NFIC: variants seen among roughly 807,000 people sequenced by gnomAD.
NFIC encodes the protein nuclear factor I C.
Under a neutral mutation model 54.4 loss-of-function variants are expected in NFIC, and 12 were observed. The observed-to-expected ratio is 0.22, with a 90% CI of 0.14 to 0.36. NFIC has a LOEUF of 0.36. NFIC is among the 10% of genes least tolerant of loss of function. The probability of loss-of-function intolerance (pLI) is 1.00; values close to 1 mark genes in which losing one functional copy is unlikely to be tolerated. For missense variants in NFIC, 575 were observed against 718.2 expected, an observed-to-expected ratio of 0.80 and a Z score of 2.28; for synonymous variants, 322 against 319.2, an observed-to-expected ratio of 1.01 and a Z score of -0.09.
chr19:3,442,244 A>C (rs1313469144), intron 6 of NFIC, among the ~76,000 whole-genome samples: 1 of 152,018 alleles, frequency 6.6e-6, no homozygotes, highest in African/African-American at 2.4e-5. Flanking sequence ...AGCAGCCCCC[A>C]CTGTGCTTTG....
intron 2 of NFIC, among the ~76,000 whole-genome samples, chr19:3,405,790 CAG>C (rs1159788627): frequency 1.3e-5 from 2 of 151,982 alleles, no homozygotes; most frequent in African/African-American, 4.8e-5. Flanking sequence ...TTAGTAGAGA[CAG>C]GGGTCTCACC....
intron 4 of NFIC, 131 bp from the exon 5 acceptor site, chr19:3,434,146 C>T (rs2145630088): frequency 7.2e-7 from 1 of 1,395,740 alleles, no homozygotes; most frequent in East Asian, 2.4e-5. Context: ...TTCAGCCACC[C>T]TAGGAACCGG....
At chr19:3,433,649 A>C in intron 4 of NFIC, 57 bp downstream of exon 4, 1 of 1,568,462 alleles carries the variant, frequency 6.4e-7, no homozygotes, top group Non-Finnish European at 8.7e-7. Flanking sequence ...GGCCGCAGGG[A>C]GGAAGGAGCC....
In NFIC at chr19:3,456,547, C is replaced by T. The variant is rs1274634943; in HGVS notation, c.1424-3C>T. On this transcript the variant is annotated splice_region_variant and splice_polypyrimidine_tract_variant and intron_variant, in intron 9 of 10. Coordinates refer to ENST00000443272, the MANE Select transcript of NFIC (RefSeq NM_001245002.2). The stretch of plus-strand genomic sequence containing the variant: ...GGGCTCTCGGTCTCTCTCCTCCCTG[C>T]AGCCTACTCTCCGCCCGACACGTCC... The T allele has an allele frequency of 6.4e-7, 1 of 1,551,752 alleles. No individual in the cohort carries two copies. Among genetic ancestry groups the T allele is most frequent in the Non-Finnish European group, 8.7e-7 (1 of 1,147,032 alleles).
chr19:3,428,546 T>C (rs2082064162), intron 3 of NFIC, among the ~76,000 whole-genome samples: 1 of 151,302 alleles, frequency 6.6e-6, no homozygotes, highest in Non-Finnish European at 1.5e-5. Context: ...ACAGGGAGGC[T>C]GGAAGGTTCT....
At chr19:3,366,564 TG>T (rs2080888619), upstream of NFIC, 14 of 461,636 alleles carry the variant, frequency 3.0e-5, no homozygotes, top group African/African-American at 4.7e-5. Flanking sequence ...GGCGGGGGGG[TG>T]GTTTGGAAAA....
At chr19:3,376,699 A>C (rs2081114345) in intron 1 of NFIC, among the ~76,000 whole-genome samples, 1 of 151,972 alleles carries the variant, frequency 6.6e-6, no homozygotes, top group Non-Finnish European at 1.5e-5. Context: ...GTGCCACTGC[A>C]CTCCAGTGAG....
intron 2 of NFIC, among the ~76,000 whole-genome samples, chr19:3,398,250 G>C (rs529322447): frequency 6.6e-6 from 1 of 152,138 alleles, no homozygotes; most frequent in African/African-American, 2.4e-5. Context: ...GGATTGAGTC[G>C]GTTCGTGGAA....
chr19:3,443,820 C>T (rs1035401265), intron 6 of NFIC, among the ~76,000 whole-genome samples: 1 of 152,174 alleles, frequency 6.6e-6, no homozygotes, highest in Non-Finnish European at 1.5e-5. Flanking sequence ...GATGGCCCCA[C>T]CCTAGAGAAT....
chr19:3,428,310 A>G (rs2082060599), intron 3 of NFIC, among the ~76,000 whole-genome samples: 2 of 151,730 alleles, frequency 1.3e-5, no homozygotes, highest in South Asian at 2.1e-4. Flanking sequence ...CCTGGCCAAC[A>G]TGGCGAAACC....
rs567931955 is a variant in NFIC, at chr19:3,359,785, G to A, written c.3+100G>A. On this transcript the variant is annotated intron_variant, in intron 1 of 9. Coordinates refer to the NFIC transcript ENST00000395111. ...CAAGATCTGGGGGGACAGGGGGCGG[G>A]GGCCGCCCGGAGGAGGGGCTCGAGG... 3.8e-3 allele frequency: 4,777 copies of A among 1,252,522 alleles called. 126 individuals are homozygous for A. In the African/African-American group the frequency reaches 0.058, roughly 15 times the overall value. The allele number at this position is 1,252,522 out of a possible 1,614,324, so 77.6% of individuals were successfully genotyped here.
chr19:3,381,983 C>T lies in NFIC; in HGVS notation c.302C>T (p.Ala101Val), dbSNP rs1175118397. The change falls in exon 2 of 11, where the codon GCG (alanine) becomes GTG (valine). Residue 101 changes from alanine to valine, a missense_variant. Physicochemically the swap from Ala to Val is moderately conservative, Grantham distance 64 (BLOSUM62 0). This residue lies in a region of NFIC where 122 missense variants were observed against 158.0 expected (regional missense o/e 0.77). Transcript: ENST00000443272. Reference protein sequence around the residue: ...DFVLSITGKKAPGCVLSNPDQ... With the variant: ...DFVLSITGKKVPGCVLSNPDQ... ...GTGCTGAGCATCACCGGCAAGAAGG[C>T]GCCGGGCTGCGTGCTCTCCAACCCC... The T allele has an allele frequency of 1.2e-6, 2 of 1,613,322 alleles. No individual in the cohort carries two copies. Among genetic ancestry groups the T allele is most frequent in the South Asian group, 1.1e-5 (1 of 91,086 alleles).
At chr19:3,386,633 A>C (rs1375783627) in intron 2 of NFIC, among the ~76,000 whole-genome samples, 1 of 151,430 alleles carries the variant, frequency 6.6e-6, no homozygotes, top group Non-Finnish European at 1.5e-5. Flanking sequence ...TGTTGTACGC[A>C]TTTTACAGAG....
At chr19:3,427,286 A>G (rs549774875) in intron 3 of NFIC, among the ~76,000 whole-genome samples, 46 of 152,102 alleles carry the variant, frequency 3.0e-4, no homozygotes, top group African/African-American at 1.0e-3. Context: ...GTGATTGCCT[A>G]TGGATTTGCT....
At chr19:3,373,051 G>T (rs1023868503) in intron 1 of NFIC, among the ~76,000 whole-genome samples, 7 of 152,020 alleles carry the variant, frequency 4.6e-5, no homozygotes, top group Non-Finnish European at 8.8e-5. Flanking sequence ...CACCATGTTG[G>T]CCAGGCTGGT....
Position 3,381,952 on chromosome 19 carries a change from G to A in NFIC, c.271G>A (p.Asp91Asn). 1 of 1,613,538 alleles carries A rather than the reference G, an allele frequency of 6.2e-7. No homozygotes were observed. The highest frequency in any genetic ancestry group is 8.5e-7 in the Non-Finnish European group (1 of 1,179,912). Residue 91 changes from aspartate to asparagine, a missense_variant, in exon 2 of 11, where the codon GAC becomes AAC. Transcript: ENST00000443272. ...RKDIRPECRE[D>N]FVLSITGKKA... ...GGACATCCGGCCCGAGTGCCGCGAG[G>A]ACTTCGTGCTGAGCATCACCGGCAA... is the stretch of plus-strand genomic sequence containing the variant.
chr19:3,463,127 C>G lies in NFIC; in HGVS notation c.*358C>G. ...TCTTCCTAAGTTATTCATCTCCTCT[C>G]CGCCTGCTGCTCGGGAAGGACAGAC... On this transcript the variant is annotated 3_prime_UTR_variant, in exon 11 of 11. Transcript: ENST00000443272. 1 of 1,152,274 alleles carries G rather than the reference C, an allele frequency of 8.7e-7. No individual in the cohort carries two copies. Among genetic ancestry groups the G allele is most frequent in the Non-Finnish European group, 1.1e-6 (1 of 935,340 alleles). The allele number at this position is 1,152,274 out of a possible 1,614,324, so 71.4% of individuals were successfully genotyped here. A position where few individuals can be genotyped will look rare whatever the true frequency, so the allele number is the denominator to read the frequency against.
rs911779799 is a variant in NFIC, at chr19:3,382,161, G to C, written c.480G>C (p.Pro160=). Residue 160 remains proline (P), a synonymous_variant, in exon 2 of 11, where the codon CCG becomes CCC. Coordinates refer to ENST00000443272, the MANE Select transcript of NFIC (RefSeq NM_001245002.2). ...RLVKAAQCGH[P]VLCVQPHHIG... ...TCAAGGCTGCGCAGTGCGGTCACCCGGTCCTGTGCGTGCAGCCGCACCACA... is the reference window on the plus strand; with the variant it reads ...TCAAGGCTGCGCAGTGCGGTCACCCCGTCCTGTGCGTGCAGCCGCACCACA... 2 of 1,612,882 alleles carry C rather than the reference G, an allele frequency of 1.2e-6. No homozygotes were observed. Among genetic ancestry groups the C allele is most frequent in the Admixed American group, 1.7e-5 (1 of 60,024 alleles).
intron 2 of NFIC, among the ~76,000 whole-genome samples, chr19:3,417,547 AAAG>A (rs1406694126): frequency 6.6e-6 from 1 of 151,928 alleles, no homozygotes. Flanking sequence ...GCTCAGACCG[AAAG>A]AAGGTCCATT....
Sources: allele counts gnomAD v4.1 joint callset (sites outside exome capture counted in the v4.1 genomes callset), GRCh38; gene constraint gnomAD v4.1.1; regional missense constraint gnomAD v4.1.1; transcripts MANE v1.5; gene names NCBI Gene and HGNC (gene_info 2026-07-23, HGNC 2026-07-21).